MYH15: variants seen among roughly 807,000 people sequenced by gnomAD.
MYH15 encodes the protein myosin heavy chain 15, also known as myosin-15.
MYH15 carries 227 observed loss-of-function variants against 240.5 expected under a neutral mutation model. That is an observed-to-expected ratio of 0.94 (90% CI 0.85 to 1.05). The LOEUF (loss-of-function observed/expected upper bound fraction) is 1.05, where lower values mean the gene tolerates loss of function less well. MYH15 is among the 50% of genes least tolerant of loss of function. The pLI is 0.00. For synonymous variants in MYH15, 785 were observed against 796.7 expected (o/e 0.99, Z 0.25); for missense variants, 2,217 against 2,247.5 (o/e 0.99, Z 0.27).
At chr3:108,500,394 G>A in intron 3 of MYH15, 120 bp from the exon 4 acceptor site, 1 of 1,073,590 alleles carries the variant, frequency 9.3e-7, no homozygotes, top group Non-Finnish European at 1.3e-6. Context: ...TCAGAGGGGA[G>A]CTTTTGGAAT....
Position 108,491,537 on chromosome 3 carries a change from C to A in MYH15, c.871+963G>T, listed in dbSNP as rs548738152. Among the ~76,000 whole-genome samples the A allele has an allele frequency of 2.0e-5, 3 of 152,244 alleles. No homozygotes were observed. In the South Asian group the frequency reaches 6.2e-4, roughly 32 times the overall value. The stretch of plus-strand genomic sequence containing the variant: ...CCATGCATCTATCCCTTTTCCCCCA[C>A]CCTTCCATTCTCAGACACTCTCTTA... On this transcript the variant is annotated intron_variant, in intron 9 of 40. Transcript: ENST00000693548.
the MYH15 span, among the ~76,000 whole-genome samples, chr3:108,541,716 G>A: frequency 1.3e-5 from 2 of 152,012 alleles, no homozygotes; most frequent in Non-Finnish European, 1.5e-5. Flanking sequence ...TATAATAACT[G>A]CAATGTCTTC....
At chr3:108,393,429 G>T (rs909450428) in intron 36 of MYH15, among the ~76,000 whole-genome samples, 1 of 152,218 alleles carries the variant, frequency 6.6e-6, no homozygotes, top group Non-Finnish European at 1.5e-5. Flanking sequence ...GCCCACAGGG[G>T]GTGCCCAGAG....
chr3:108,402,493 A>T (rs2082513344), intron 33 of MYH15, among the ~76,000 whole-genome samples: 1 of 152,204 alleles, frequency 6.6e-6, no homozygotes, highest in Non-Finnish European at 1.5e-5. Flanking sequence ...CCAACCTACA[A>T]CTACAGTGTT....
intron 33 of MYH15, among the ~76,000 whole-genome samples, chr3:108,404,425 G>GATTA (rs1431509426): frequency 2.6e-5 from 4 of 152,178 alleles, no homozygotes; most frequent in Non-Finnish European, 5.9e-5. Context: ...ATTGACTTAA[G>GATTA]GGAACAGATT....
intron 22 of MYH15, among the ~76,000 whole-genome samples, chr3:108,443,360 A>G (rs2082899881): frequency 6.6e-6 from 1 of 152,054 alleles, no homozygotes; most frequent in South Asian, 2.1e-4. Context: ...TTAAAAAGTA[A>G]TAATAATAAA....
intron 6 of MYH15, among the ~76,000 whole-genome samples, chr3:108,497,539 A>G (rs775856390): frequency 6.7e-6 from 1 of 149,986 alleles, no homozygotes; most frequent in Non-Finnish European, 1.5e-5. Context: ...ATGAACAAGG[A>G]TTTTTTTTTT....
intron 11 of MYH15, among the ~76,000 whole-genome samples, chr3:108,484,775 C>CGGCCATA (rs1342710817): frequency 1.3e-5 from 2 of 152,092 alleles, no homozygotes; most frequent in Non-Finnish European, 2.9e-5. Context: ...TCACGGTGTC[C>CGGCCATA]GGCCATAATT....
intron 10 of MYH15, among the ~76,000 whole-genome samples, chr3:108,486,030 A>C (rs921036505): frequency 5.3e-5 from 8 of 152,242 alleles, no homozygotes; most frequent in African/African-American, 1.9e-4. Context: ...TGAAATGCTT[A>C]AACGATTAAA....
At chr3:108,412,776 T>C (rs1250669910) in intron 30 of MYH15, among the ~76,000 whole-genome samples, 1 of 152,182 alleles carries the variant, frequency 6.6e-6, no homozygotes, top group African/African-American at 2.4e-5. Context: ...TCTGCTAAAC[T>C]AACTCATCAT....
At chr3:108,399,361 A>G (rs542441510) in intron 33 of MYH15, 94 bp from the exon 34 acceptor site, 4 of 1,064,966 alleles carry the variant, frequency 3.8e-6, no homozygotes, top group African/African-American at 1.6e-5. Flanking sequence ...AAACAGAAAA[A>G]GAATAAAATC....
intron 12 of MYH15, among the ~76,000 whole-genome samples, chr3:108,472,099 C>T (rs2083182892): frequency 6.6e-6 from 1 of 152,240 alleles, no homozygotes; most frequent in Non-Finnish European, 1.5e-5. Flanking sequence ...GATTCTCCTG[C>T]TGTAAAACTG....
At chr3:108,531,336 C>T (rs1036174310), upstream of MYH15, among the ~76,000 whole-genome samples, 3 of 152,158 alleles carry the variant, frequency 2.0e-5, no homozygotes, top group Non-Finnish European at 1.5e-5. Flanking sequence ...GCTTGAATGG[C>T]TTCATTCCAA....
At position 108,394,093 on chromosome 3, in the gene MYH15, C is replaced by T. The variant is rs748625019; in HGVS notation, c.5197G>A (p.Ala1733Thr). ...EADVARMQKE[A>T]EEVVQECQNA... is the part of the protein sequence containing the mutation. The stretch of plus-strand genomic sequence containing the variant: ...TGACACTCCTGCACCACCTCTTCAG[C>T]TTCTTTCTGCATCCGGGCAACATCA... The change falls in exon 36 of 41, where the codon GCT (alanine) becomes ACT (threonine). Residue 1733 changes from alanine to threonine, a missense_variant. Coordinates refer to ENST00000693548, the MANE Select transcript of MYH15 (RefSeq NM_014981.3). 24 of 1,614,026 alleles carry T rather than the reference C, an allele frequency of 1.5e-5. No homozygotes were observed. Among genetic ancestry groups the T allele is most frequent in the Non-Finnish European group, 1.9e-5 (22 of 1,179,998 alleles).
At chr3:108,495,704 C>T (rs1438182865) in intron 7 of MYH15, 76 bp downstream of exon 7, 25 of 1,110,474 alleles carry the variant, frequency 2.3e-5, no homozygotes, top group Non-Finnish European at 3.1e-5. Flanking sequence ...TTTTTCATAC[C>T]TATGTGCTTA....
intron 28 of MYH15, among the ~76,000 whole-genome samples, chr3:108,418,733 G>C (rs1181425740): frequency 7.3e-6 from 1 of 137,714 alleles, no homozygotes; most frequent in Admixed American, 7.5e-5. Flanking sequence ...CCAGGTTCAA[G>C]CGATTCTCCT....
chr3:108,487,787 T>C (rs1234362791), intron 9 of MYH15, among the ~76,000 whole-genome samples: 1 of 152,216 alleles, frequency 6.6e-6, no homozygotes, highest in Non-Finnish European at 1.5e-5. Context: ...TTAAAACACG[T>C]GCAGTGTACT....
chr3:108,511,193 A>G (rs1445827979), upstream of MYH15, among the ~76,000 whole-genome samples: 1 of 152,122 alleles, frequency 6.6e-6, no homozygotes, highest in Non-Finnish European at 1.5e-5. Context: ...GGTTACAAAG[A>G]GAAGTGATTC....
chr3:108,507,271 A>G (rs1200220868), intron 1 of MYH15, among the ~76,000 whole-genome samples: 1 of 106,070 alleles, frequency 9.4e-6, no homozygotes, highest in African/African-American at 3.2e-5. Flanking sequence ...ATATATATAT[A>G]TATATACACA....
Sources: gnomAD v4.1 joint callset for allele counts (sites outside exome capture counted in the v4.1 genomes callset) on GRCh38, gnomAD v4.1.1 for gene constraint, MANE v1.5 for transcripts, NCBI Gene and HGNC (gene_info 2026-07-23, HGNC 2026-07-21) for gene names.